The following SUCLG2 variants were observed in gnomAD, a reference collection of about 807,000 sequenced individuals.
SUCLG2 encodes the protein succinate--CoA ligase [GDP-forming] subunit beta, mitochondrial.
SUCLG2 carries 42 observed loss-of-function variants against 47.9 expected under a neutral mutation model. The ratio of observed to expected loss-of-function variants is 0.88; its 90% confidence interval spans 0.69 to 1.14. SUCLG2 has a LOEUF of 1.14. Ranked by LOEUF, SUCLG2 falls within the 50% of genes most tolerant of loss-of-function variation. The probability of loss-of-function intolerance (pLI) is 0.00; values close to 1 mark genes in which losing one functional copy is unlikely to be tolerated. For missense variants in SUCLG2, 571 were observed against 525.9 expected (o/e 1.09, Z -0.84); for synonymous variants, 195 against 197.3 (o/e 0.99, Z 0.10).
rs570332407 is a variant in SUCLG2 at position 67,403,305 on chromosome 3, G to A, written c.1063-2454C>T. Among the ~76,000 whole-genome samples, 19 of 152,148 alleles carry A rather than the reference G, an allele frequency of 1.2e-4. 2 individuals are homozygous for A. In the South Asian group the frequency reaches 2.1e-3, roughly 17 times the overall value. On this transcript the variant is annotated intron_variant, in intron 9 of 10. Coordinates refer to ENST00000307227, the MANE Select transcript of SUCLG2 (RefSeq NM_003848.4). The stretch of plus-strand genomic sequence containing the variant: ...CTCCCCATCCCAAGATGCAACTCCC[G>A]TGTTTGGATCATCTTTGTGCTTCTC...
intron 10 of SUCLG2, among the ~76,000 whole-genome samples, chr3:67,368,140 T>A (rs11127600): frequency 0.51 from 77,275 of 151,922 alleles, 19,811 homozygotes; most frequent in Middle Eastern, 0.62. Flanking sequence ...ATTCTTCCCC[T>A]AAAATTTTTG....
chr3:67,553,285 C>A (rs1707065189), intron 2 of SUCLG2, among the ~76,000 whole-genome samples: 1 of 152,224 alleles, frequency 6.6e-6, no homozygotes, highest in Non-Finnish European at 1.5e-5. Context: ...GCCACTGCAG[C>A]AGGGAATTGT....
At chr3:67,519,343 T>C (rs1408573135) in intron 5 of SUCLG2, among the ~76,000 whole-genome samples, 2 of 152,226 alleles carry the variant, frequency 1.3e-5, no homozygotes, top group African/African-American at 4.8e-5. Flanking sequence ...GGATAAACAA[T>C]TATCTTACTT....
In SUCLG2 at chr3:67,428,564, C is replaced by T. The variant is rs143104488; in HGVS notation, c.1063-27713G>A. Among the ~76,000 whole-genome samples, 1,087 of 152,300 alleles carry T rather than the reference C, an allele frequency of 7.1e-3. 14 individuals are homozygous for T. Among genetic ancestry groups the T allele is most frequent in the African/African-American group, 0.025 (1,027 of 41,558 alleles). On this transcript the variant is annotated intron_variant, in intron 9 of 10. Transcript: ENST00000307227. ...TTCCCTCAAAAGGAATGCAGCTCCT[C>T]GCCAGCAATGGAACAAAGCTGAACA...
At position 67,377,289 on chromosome 3, in the gene SUCLG2, A is replaced by T. The variant is rs1702054617; in HGVS notation, c.1184-1430T>A. Among the ~76,000 whole-genome samples the T allele has an allele frequency of 2.0e-5, 3 of 152,256 alleles. No homozygotes were observed. In the South Asian group the frequency reaches 6.2e-4, roughly 32 times the overall value. ...TATGCTAGTCTGCTTACCTACTTGA[A>T]AAATGAGGACAGTATAGCTGATGGT... is the stretch of plus-strand genomic sequence containing the variant. On this transcript the variant is annotated intron_variant, in intron 10 of 10. Transcript: ENST00000307227.
At chr3:67,645,067 T>C (rs534502218) in intron 1 of SUCLG2, among the ~76,000 whole-genome samples, 91 of 152,288 alleles carry the variant, frequency 6.0e-4, no homozygotes, top group African/African-American at 2.1e-3. Context: ...AAGCGTAACA[T>C]TACTGATATA....
chr3:67,534,434 T>C (rs1386653466), intron 2 of SUCLG2, among the ~76,000 whole-genome samples: 1 of 152,066 alleles, frequency 6.6e-6, no homozygotes, highest in East Asian at 1.9e-4. Flanking sequence ...TGCCATATGC[T>C]TAAAAATATT....
At chr3:67,622,193 C>A (rs913452256) in intron 1 of SUCLG2, among the ~76,000 whole-genome samples, 2 of 152,178 alleles carry the variant, frequency 1.3e-5, no homozygotes, top group Non-Finnish European at 2.9e-5. Flanking sequence ...ATGAATGAAC[C>A]AGCTCTTGAA....
intron 1 of SUCLG2, among the ~76,000 whole-genome samples, chr3:67,637,744 G>T (rs1225963685): frequency 6.6e-6 from 1 of 152,148 alleles, no homozygotes; most frequent in Non-Finnish European, 1.5e-5. Context: ...TTTGGAGAGA[G>T]ATGACTTGCC....
downstream of SUCLG2, among the ~76,000 whole-genome samples, chr3:67,370,765 G>A (rs547714640): frequency 2.0e-5 from 3 of 152,166 alleles, no homozygotes; most frequent in South Asian, 2.1e-4. Context: ...TCATTGTACT[G>A]TACTAATCTA....
intron 3 of SUCLG2, 104 bp from the exon 4 acceptor site, chr3:67,528,326 T>C: frequency 9.9e-7 from 1 of 1,006,818 alleles, no homozygotes; most frequent in Non-Finnish European, 1.5e-6. Context: ...GGGTTCACCT[T>C]CACCCTCACA....
intron 2 of SUCLG2, among the ~76,000 whole-genome samples, chr3:67,571,372 A>G (rs2107237160): frequency 6.6e-6 from 1 of 152,276 alleles, no homozygotes; most frequent in South Asian, 2.1e-4. Context: ...GGTTTAAGAA[A>G]CCCTGCATTA....
chr3:67,613,371 G>T (rs751806517), intron 1 of SUCLG2, among the ~76,000 whole-genome samples: 3 of 152,068 alleles, frequency 2.0e-5, no homozygotes, highest in Non-Finnish European at 4.4e-5. Context: ...CAGGAACCAG[G>T]GGTAAAGACC....
chr3:67,391,607 G>A (rs1282451685), intron 10 of SUCLG2, among the ~76,000 whole-genome samples: 2 of 152,104 alleles, frequency 1.3e-5, no homozygotes, highest in African/African-American at 2.4e-5. Flanking sequence ...AGGCAGCCTC[G>A]GTAGATTGAC....
At chr3:67,425,331 C>A (rs148165626) in intron 9 of SUCLG2, among the ~76,000 whole-genome samples, 5 of 151,922 alleles carry the variant, frequency 3.3e-5, no homozygotes, top group African/African-American at 1.2e-4. Flanking sequence ...TTGGAAAGTA[C>A]GATAATTAAT....
intron 6 of SUCLG2, among the ~76,000 whole-genome samples, chr3:67,513,410 A>G (rs915340867): frequency 1.3e-5 from 2 of 152,240 alleles, no homozygotes; most frequent in South Asian, 2.1e-4. Flanking sequence ...AAGGCAGACC[A>G]TAATTTTTTT....
Position 67,443,967 on chromosome 3 carries a change from G to T in SUCLG2, c.1063-43116C>A, listed in dbSNP as rs1333221080. ...CCCGTCCGGGAGGGAGGTGGGGGGGGGTCAGCCCCCCGCCCGGCCAGCCGC... is the reference window on the plus strand; with the variant it reads ...CCCGTCCGGGAGGGAGGTGGGGGGGTGTCAGCCCCCCGCCCGGCCAGCCGC... On this transcript the variant is annotated intron_variant, in intron 9 of 10. Transcript: ENST00000307227. 7.7e-5 allele frequency among the ~76,000 whole-genome samples: 9 copies of T among 117,580 alleles called. No homozygotes were observed. The East Asian group carries it at 1.4e-3, about 18-fold the overall frequency. 77.1% of individuals were successfully genotyped at this position (117,580 alleles called of 152,430 possible). A position where few individuals can be genotyped will look rare whatever the true frequency, so the allele number is the denominator to read the frequency against.
intron 1 of SUCLG2, among the ~76,000 whole-genome samples, chr3:67,644,837 C>T (rs1338151074): frequency 2.0e-5 from 3 of 152,000 alleles, no homozygotes; most frequent in Non-Finnish European, 2.9e-5. Context: ...CTTTTGCCAC[C>T]TCCCTCAACA....
chr3:67,581,358 T>G (rs949603980), intron 2 of SUCLG2, among the ~76,000 whole-genome samples: 1 of 152,168 alleles, frequency 6.6e-6, no homozygotes, highest in Non-Finnish European at 1.5e-5. Flanking sequence ...ATGGTCAACA[T>G]AATGGGGCTG....
Sources: gnomAD v4.1 joint callset for allele counts (sites outside exome capture counted in the v4.1 genomes callset) on GRCh38, gnomAD v4.1.1 for gene constraint, MANE v1.5 for transcripts, NCBI Gene and HGNC (gene_info 2026-07-23, HGNC 2026-07-21) for gene names.